Variants in ADD1 observed in about 807,000 individuals in gnomAD.
The protein encoded by ADD1 is adducin 1.
A neutral mutation model predicts 80.5 loss-of-function variants in ADD1; 24 were observed. The observed-to-expected ratio is 0.30, with a 90% confidence interval of 0.22 to 0.42. The LOEUF (loss-of-function observed/expected upper bound fraction) is 0.42. ADD1 is among the 10% of genes least tolerant of loss of function. The pLI is 1.00. For missense variants in ADD1, 948 were observed against 1,019.0 expected, an observed-to-expected ratio of 0.93 and a Z score of 0.95; for synonymous variants, 373 against 393.8, an observed-to-expected ratio of 0.95 and a Z score of 0.63.
intron 14 of ADD1, among the ~76,000 whole-genome samples, chr4:2,923,744 C>T (rs1035265009): frequency 3.9e-5 from 6 of 152,260 alleles, no homozygotes; most frequent in Non-Finnish European, 1.5e-5. Context: ...TGCTATTGTG[C>T]GTACATCTCA....
intron 1 of ADD1, among the ~76,000 whole-genome samples, chr4:2,846,843 C>T (rs1157656096): frequency 6.8e-6 from 1 of 147,728 alleles, no homozygotes; most frequent in Non-Finnish European, 1.5e-5. Flanking sequence ...AAAAGCCGAG[C>T]GTGGTGGCTC....
Position 2,929,922 on chromosome 4 carries a change from A to T in ADD1, c.*1399A>T, listed in dbSNP as rs776572054. 6.6e-6 allele frequency: 1 copy of T among 152,644 alleles called. No individual in the cohort carries two copies. The highest frequency in any genetic ancestry group is 6.5e-5 in the Admixed American group (1 of 15,290). The allele number at this position is 152,644 out of a possible 1,614,324, so 9.5% of individuals were successfully genotyped here. On this transcript the variant is annotated 3_prime_UTR_variant, in exon 16 of 16. Transcript: ENST00000683351. ...TACCCCACATATGCAATGACTTTTA[A>T]TTTTCACTTTTGTAGTTTAATCCTT...
chr4:2,885,754 C>T (rs367785262), intron 4 of ADD1, among the ~76,000 whole-genome samples: 85 of 152,008 alleles, frequency 5.6e-4, no homozygotes, highest in Non-Finnish European at 7.8e-4. Context: ...GGACTACAGG[C>T]GCCCGCCACC....
chr4:2,918,501 A>G (rs888024823), intron 14 of ADD1, among the ~76,000 whole-genome samples: 7 of 152,122 alleles, frequency 4.6e-5, no homozygotes, highest in African/African-American at 1.4e-4. Flanking sequence ...TGAATACACT[A>G]TATTTTTTTC....
In ADD1 at chr4:2,913,125, G is replaced by T. The variant is rs148131260; in HGVS notation, c.1792-1759G>T. On this transcript the variant is annotated intron_variant, in intron 13 of 15. Coordinates refer to ENST00000683351, the MANE Select transcript of ADD1 (RefSeq NM_001354761.2). ...AGCTTCCCAAAGTGCTGGGATTACAGGTGTGAGCCACCATGCCTGGCCTGA... is the reference window on the plus strand; with the variant it reads ...AGCTTCCCAAAGTGCTGGGATTACATGTGTGAGCCACCATGCCTGGCCTGA... 1.1e-3 allele frequency among the ~76,000 whole-genome samples: 167 copies of T among 152,344 alleles called. 1 individual carries two copies. The highest frequency in any genetic ancestry group is 3.6e-3 in the Admixed American group (55 of 15,306).
At chr4:2,928,089 G>C in intron 15 of ADD1, 82 bp from the exon 16 acceptor site, 1 of 1,242,140 alleles carries the variant, frequency 8.1e-7, no homozygotes, top group Non-Finnish European at 1.2e-6. Context: ...TGGCAGTTTC[G>C]TGTGTGGGGC....
At chr4:2,909,133 T>G in intron 12 of ADD1, 5 of 584,664 alleles carry the variant, frequency 8.6e-6, no homozygotes, top group Admixed American at 3.1e-5. Flanking sequence ...AACACCTGAC[T>G]CTGCAGGGGT....
chr4:2,913,574 TC>T (rs1305525521), intron 13 of ADD1, among the ~76,000 whole-genome samples: 1 of 152,192 alleles, frequency 6.6e-6, no homozygotes, highest in Admixed American at 6.5e-5. Context: ...GGTTGCCTGT[TC>T]CAGCAGCCCA....
chr4:2,850,078 T>C (rs563087671), intron 1 of ADD1, among the ~76,000 whole-genome samples: 1 of 152,304 alleles, frequency 6.6e-6, no homozygotes, highest in East Asian at 1.9e-4. Context: ...CATCAGCTAA[T>C]GAGTGGATCA....
rs34312305 is a variant in ADD1, at chr4:2,863,219, A to ATTTTT, written c.-20-12661_-20-12657dup. The stretch of plus-strand genomic sequence containing the variant: ...TGCCACCACGCCCAGCTAATTTTTA[A>ATTTTT]TTTTTTTTTTTTTTTTTTTTGGTAG... On this transcript the variant is annotated intron_variant, in intron 1 of 15. Transcript: ENST00000683351. Among the ~76,000 whole-genome samples, 840 of 123,674 alleles carry ATTTTT rather than the reference A, an allele frequency of 6.8e-3. 13 individuals are homozygous for ATTTTT. Among genetic ancestry groups the ATTTTT allele is most frequent in the Non-Finnish European group, 8.9e-3 (538 of 60,240 alleles). The allele number at this position is 123,674 out of a possible 152,430, so 81.1% of individuals were successfully genotyped here. A position where few individuals can be genotyped will look rare whatever the true frequency, so the allele number is the denominator to read the frequency against.
At chr4:2,854,390 A>G (rs1001441030) in intron 1 of ADD1, among the ~76,000 whole-genome samples, 5 of 152,182 alleles carry the variant, frequency 3.3e-5, no homozygotes, top group African/African-American at 1.2e-4. Context: ...AGGGAGGTGC[A>G]AGGTTCTGTA....
At chr4:2,847,238 C>G (rs1726372352) in intron 1 of ADD1, among the ~76,000 whole-genome samples, 1 of 151,532 alleles carries the variant, frequency 6.6e-6, no homozygotes, top group African/African-American at 2.4e-5. Flanking sequence ...GCCTGGACAA[C>G]AGTGAAACCT....
chr4:2,923,821 C>T (rs944539095), intron 14 of ADD1, among the ~76,000 whole-genome samples: 1 of 152,242 alleles, frequency 6.6e-6, no homozygotes, highest in African/African-American at 2.4e-5. Context: ...GAATAGGGAG[C>T]TCAGACAGGG....
intron 10 of ADD1, 49 bp from the exon 11 acceptor site, chr4:2,907,694 A>G: frequency 6.9e-7 from 1 of 1,454,692 alleles, no homozygotes. Flanking sequence ...ATGCTATGTC[A>G]CTTATTGTTG....
At chr4:2,846,913 C>G (rs543483962) in intron 1 of ADD1, among the ~76,000 whole-genome samples, 10 of 150,820 alleles carry the variant, frequency 6.6e-5, no homozygotes, top group Non-Finnish European at 1.2e-4. Flanking sequence ...GTCAGGAGAT[C>G]GAGACCATCC....
At chr4:2,857,651 A>C (rs1728275381) in intron 1 of ADD1, among the ~76,000 whole-genome samples, 1 of 152,180 alleles carries the variant, frequency 6.6e-6, no homozygotes, top group Admixed American at 6.5e-5. Context: ...TATTTGCCTT[A>C]GTTGAGGTCT....
At chr4:2,880,928 G>A (rs1276070941) in intron 2 of ADD1, among the ~76,000 whole-genome samples, 1 of 151,962 alleles carries the variant, frequency 6.6e-6, no homozygotes, top group Non-Finnish European at 1.5e-5. Context: ...TTTGATAAAG[G>A]ATGGATGGTT....
chr4:2,864,291 T>C (rs1337182635), intron 1 of ADD1, among the ~76,000 whole-genome samples: 1 of 152,176 alleles, frequency 6.6e-6, no homozygotes, highest in African/African-American at 2.4e-5. Flanking sequence ...CGTGTGCCCG[T>C]AGTCCCAGCT....
At chr4:2,911,018 A>C (rs1737928569) in intron 13 of ADD1, among the ~76,000 whole-genome samples, 1 of 152,192 alleles carries the variant, frequency 6.6e-6, no homozygotes, top group Non-Finnish European at 1.5e-5. Context: ...GCTCCATGGG[A>C]GTCCTTTACT....
Sources: gnomAD v4.1 joint callset for allele counts (sites outside exome capture counted in the v4.1 genomes callset) on GRCh38, gnomAD v4.1.1 for gene constraint, MANE v1.5 for transcripts, NCBI Gene and HGNC (gene_info 2026-07-23, HGNC 2026-07-21) for gene names.